Variants in TET2 observed in about 807,000 individuals in gnomAD.
TET2 encodes tet methylcytosine dioxygenase 2.
Under a neutral mutation model 142.9 loss-of-function variants are expected in TET2, and 299 were observed. That is an observed-to-expected ratio of 2.09 (90% CI 1.90 to 2.30). The LOEUF (loss-of-function observed/expected upper bound fraction) is 2.30, where lower values mean the gene tolerates loss of function less well. Among genes scored for constraint, TET2 ranks in the 30% most tolerant of loss-of-function variants. The pLI, the probability that TET2 is intolerant of heterozygous loss-of-function variation, is 0.00. For missense variants in TET2, 2,418 were observed against 2,378.0 expected (o/e 1.02, Z -0.35); for synonymous variants, 819 against 849.0 (o/e 0.96, Z 0.61).
intron 2 of TET2, among the ~76,000 whole-genome samples, chr4:105,204,266 C>CACACACACAT (rs1443852779): frequency 2.3e-4 from 32 of 140,130 alleles, no homozygotes; most frequent in Admixed American, 3.4e-4. Context: ...CACACACACA[C>CACACACACAT]ACATACATAC....
At chr4:105,160,912 A>G (rs898098365) in intron 1 of TET2, among the ~76,000 whole-genome samples, 3 of 152,062 alleles carry the variant, frequency 2.0e-5, no homozygotes, top group African/African-American at 7.2e-5. Context: ...AGTAGCTGGG[A>G]TTACAGGCAC....
At chr4:105,189,720 A>G (rs1368451421) in intron 1 of TET2, among the ~76,000 whole-genome samples, 2 of 152,226 alleles carry the variant, frequency 1.3e-5, no homozygotes, top group East Asian at 1.9e-4. Context: ...TAAAGTAGGT[A>G]TCTTATTAGG....
chr4:105,216,014 CCTT>C (rs888630092), intron 2 of TET2, among the ~76,000 whole-genome samples: 3 of 152,152 alleles, frequency 2.0e-5, no homozygotes, highest in African/African-American at 7.2e-5. Context: ...ACCACCATTT[CCTT>C]CTACTCTTTG....
intron 2 of TET2, among the ~76,000 whole-genome samples, chr4:105,221,711 TTTTTA>T (rs1727831635): frequency 6.6e-6 from 1 of 151,962 alleles, no homozygotes; most frequent in African/African-American, 2.4e-5. Flanking sequence ...TTTTTTTTAT[TTTTTA>T]TTTTTTTATT....
intron 3 of TET2, 29 bp from the exon 4 acceptor site, chr4:105,241,309 TA>T (rs2110248415): frequency 2.0e-6 from 3 of 1,526,864 alleles, no homozygotes; most frequent in Non-Finnish European, 2.6e-6. Context: ...AATTGAGGTC[TA>T]AAATAATAAT....
In TET2 at chr4:105,235,501, G is replaced by A. The variant is rs761540635; in HGVS notation, c.1559G>A (p.Gly520Asp). The A allele has an allele frequency of 1.9e-6, 3 of 1,614,134 alleles. No individual in the cohort carries two copies. The highest frequency in any genetic ancestry group is 1.7e-5 in the Admixed American group (1 of 60,004). The change falls in exon 3 of 11, where the codon GGT (glycine) becomes GAT (aspartate). Residue 520 changes from glycine to aspartate, a missense_variant. Gly to Asp is a moderately conservative substitution (Grantham distance 94). Transcript: ENST00000380013. ...EHLKHNPPIF[G>D]SSGELQDNCQ... ...CTCAAGCATAACCCACCAATTTTTG[G>A]TAGCAGTGGAGAGCTACAGGACAAC... is the stretch of plus-strand genomic sequence containing the variant.
At chr4:105,157,426 C>A (rs1012979605) in intron 1 of TET2, among the ~76,000 whole-genome samples, 2 of 152,126 alleles carry the variant, frequency 1.3e-5, no homozygotes, top group African/African-American at 4.8e-5. Context: ...AATCTAGCCA[C>A]TGAAATGGTT....
rs1297300342 is a variant in TET2, at chr4:105,275,736, C to T, written c.5226C>T (p.Pro1742=). The T allele has an allele frequency of 1.1e-5, 17 of 1,551,642 alleles. No individual in the cohort carries two copies. The Admixed American group carries it at 2.9e-4, about 27-fold the overall frequency. The change falls in exon 11 of 11, where the codon CCC becomes CCT. Residue 1742 remains proline (P), a synonymous_variant. Coordinates refer to ENST00000380013, the MANE Select transcript of TET2 (RefSeq NM_001127208.3). ...TGGGAGCCACCTCTAGATTACCACC[C>T]AATCTGAGCAATCCAAACATGGACT... ...HFMGATSRLP[P]NLSNPNMDYK...
chr4:105,161,324 T>C lies in TET2; in HGVS notation c.-193+14345T>C, dbSNP rs147327179. Among the ~76,000 whole-genome samples, 492 of 152,338 alleles carry C rather than the reference T, an allele frequency of 3.2e-3. 5 individuals carry two copies. The highest frequency in any genetic ancestry group is 8.0e-3 in the African/African-American group (333 of 41,594). On this transcript the variant is annotated intron_variant, in intron 1 of 10. Coordinates refer to ENST00000380013, the MANE Select transcript of TET2 (RefSeq NM_001127208.3). ...CTTCTTTAGTGTTTATTACTTATAATTTATTGTACATTTCTGATACACTGA... is the reference window on the plus strand; with the variant it reads ...CTTCTTTAGTGTTTATTACTTATAACTTATTGTACATTTCTGATACACTGA...
chr4:105,251,322 G>T (rs945056657), intron 6 of TET2, among the ~76,000 whole-genome samples: 2 of 152,022 alleles, frequency 1.3e-5, no homozygotes, highest in African/African-American at 2.4e-5. Context: ...ATTTTAGAAA[G>T]AAATTTTTAG....
chr4:105,165,865 C>G (rs1307030940), intron 1 of TET2, among the ~76,000 whole-genome samples: 5 of 152,144 alleles, frequency 3.3e-5, no homozygotes. Context: ...TTCTTACCCA[C>G]AATAATGCAT....
chr4:105,223,366 TTAAA>T (rs1001451321), intron 2 of TET2, among the ~76,000 whole-genome samples: 2 of 152,142 alleles, frequency 1.3e-5, no homozygotes. Flanking sequence ...TATTTAAATA[TTAAA>T]TAATGTTAAC....
intron 10 of TET2, among the ~76,000 whole-genome samples, chr4:105,273,238 G>T (rs963616026): frequency 6.6e-6 from 1 of 152,152 alleles, no homozygotes; most frequent in East Asian, 1.9e-4. Context: ...ATCAATCATG[G>T]TCTTAGTTCT....
chr4:105,188,165 A>G (rs536441040), intron 1 of TET2, among the ~76,000 whole-genome samples: 3 of 152,366 alleles, frequency 2.0e-5, no homozygotes, highest in African/African-American at 7.2e-5. Flanking sequence ...GTATAGACAT[A>G]CAATGGACTA....
rs1173584293 is a variant in TET2 at position 105,236,355 on chromosome 4, G to C, written c.2413G>C (p.Gly805Arg). 1 of 1,613,888 alleles carries C rather than the reference G, an allele frequency of 6.2e-7. No individual in the cohort carries two copies. Among genetic ancestry groups the C allele is most frequent in the Non-Finnish European group, 8.5e-7 (1 of 1,180,002 alleles). Reference sequence around the variant, plus strand: ...GTTCGAGACTCATAATGTCCAAATGGGACTGGAGGAAGTACAGAATATAAA... The same window carrying C: ...GTTCGAGACTCATAATGTCCAAATGCGACTGGAGGAAGTACAGAATATAAA... ...SEFETHNVQM[G>R]LEEVQNINRR... Residue 805 changes from glycine to arginine, a missense_variant, in exon 3 of 11, where the codon GGA (glycine) becomes CGA (arginine). Transcript: ENST00000380013.
chr4:105,276,071 T>C lies in TET2; in HGVS notation c.5561T>C (p.Phe1854Ser). The change falls in exon 11 of 11, where the codon TTT (phenylalanine) becomes TCT (serine). Residue 1854 changes from phenylalanine to serine, a missense_variant. Coordinates refer to ENST00000380013, the MANE Select transcript of TET2 (RefSeq NM_001127208.3). ...GTCTGGTCAGACAGCGAGCAGAGCT[T>C]TCTGGATCCTGACATTGGGGGAGTG... ...DEVWSDSEQS[F>S]LDPDIGGVAV... 6.4e-7 allele frequency: 1 copy of C among 1,551,672 alleles called. No individual in the cohort carries two copies. The highest frequency in any genetic ancestry group is 8.7e-7 in the Non-Finnish European group (1 of 1,146,970).
Position 105,224,684 on chromosome 4 carries a change from G to GTCTCTCTCTCTCTCTCTCTCTC in TET2, c.-46-9191_-46-9170dup, listed in dbSNP as rs34870510. ...GTTAACATAATTGACATATCAGCCA[G>GTCTCTCTCTCTCTCTCTCTCTC]TCTCTCTCTCTCTCTCTCTCTCTCT... is the stretch of plus-strand genomic sequence containing the variant. On this transcript the variant is annotated intron_variant, in intron 2 of 10. Coordinates refer to ENST00000380013, the MANE Select transcript of TET2 (RefSeq NM_001127208.3). Among the ~76,000 whole-genome samples the GTCTCTCTCTCTCTCTCTCTCTC allele has an allele frequency of 7.1e-4, 77 of 108,148 alleles. 4 individuals are homozygous for GTCTCTCTCTCTCTCTCTCTCTC. Among genetic ancestry groups the GTCTCTCTCTCTCTCTCTCTCTC allele is most frequent in the African/African-American group, 1.2e-3 (34 of 28,102 alleles). The allele number at this position is 108,148 out of a possible 152,430, so 70.9% of individuals were successfully genotyped here. A position where few individuals can be genotyped will look rare whatever the true frequency, so the allele number is the denominator to read the frequency against.
chr4:105,261,989 A>G (rs972983745), intron 8 of TET2, 141 bp downstream of exon 8: 4 of 590,906 alleles, frequency 6.8e-6, no homozygotes, highest in Non-Finnish European at 1.2e-5. Flanking sequence ...TGCAGTGTTC[A>G]GTTTCGAGTA....
intron 3 of TET2, chr4:105,241,013 G>A: frequency 9.3e-7 from 1 of 1,080,724 alleles, no homozygotes; most frequent in Non-Finnish European, 1.1e-6. Context: ...TCAAAAAATT[G>A]GATTGTAGTT....
Sources: gnomAD v4.1 joint callset for allele counts (sites outside exome capture counted in the v4.1 genomes callset) on GRCh38, gnomAD v4.1.1 for gene constraint, MANE v1.5 for transcripts, NCBI Gene and HGNC (gene_info 2026-07-23, HGNC 2026-07-21) for gene names.